The following ETV1 variants were observed in gnomAD, a reference collection of about 807,000 sequenced individuals.
ETV1 encodes the protein ETS translocation variant 1.
A neutral mutation model predicts 62.3 loss-of-function variants in ETV1; 27 were observed. The observed-to-expected ratio is 0.43, with a 90% CI of 0.32 to 0.60. The LOEUF (loss-of-function observed/expected upper bound fraction) is 0.60. Ranked by LOEUF, ETV1 falls within the 20% of genes least tolerant of loss-of-function variation. ETV1 has a pLI of 0.06. For synonymous variants in ETV1, 222 were observed against 199.6 expected (o/e 1.11, Z -0.94); for missense variants, 605 against 605.8 (o/e 1.00, Z 0.01).
At chr7:13,972,446 T>C (rs1372376431) in intron 6 of ETV1, among the ~76,000 whole-genome samples, 1 of 152,084 alleles carries the variant, frequency 6.6e-6, no homozygotes, top group Non-Finnish European at 1.5e-5. Context: ...TAAAATAAGA[T>C]TGAAAATATA....
chr7:13,902,283 T>A (rs1782519714), intron 12 of ETV1, among the ~76,000 whole-genome samples: 1 of 152,098 alleles, frequency 6.6e-6, no homozygotes, highest in Non-Finnish European at 1.5e-5. Context: ...TTTTTTTTCC[T>A]TTAGAAATAC....
chr7:13,906,684 G>A, intron 11 of ETV1, 85 bp from the exon 12 acceptor site: 30 of 1,012,458 alleles, frequency 3.0e-5, no homozygotes, highest in South Asian at 1.7e-4. Flanking sequence ...TCACTAATAT[G>A]GTTAAACCAC....
At chr7:13,972,554 T>C (rs1209237756) in intron 6 of ETV1, among the ~76,000 whole-genome samples, 1 of 152,222 alleles carries the variant, frequency 6.6e-6, no homozygotes. Flanking sequence ...TTCACCTCTG[T>C]TTGAAATACT....
chr7:13,923,109 A>G (rs1785039046), intron 9 of ETV1, among the ~76,000 whole-genome samples: 1 of 152,166 alleles, frequency 6.6e-6, no homozygotes, highest in African/African-American at 2.4e-5. Flanking sequence ...GTGCAAGTTT[A>G]GTCAGTTGAT....
chr7:13,912,649 A>C (rs1401602745), intron 9 of ETV1, among the ~76,000 whole-genome samples: 1 of 152,200 alleles, frequency 6.6e-6, no homozygotes, highest in Non-Finnish European at 1.5e-5. Context: ...AATTGCTGTT[A>C]CTATTTATAC....
intron 9 of ETV1, among the ~76,000 whole-genome samples, chr7:13,913,415 G>A (rs114490120): frequency 1.7e-3 from 260 of 152,222 alleles, no homozygotes; most frequent in African/African-American, 5.8e-3. Context: ...ATGACATTTT[G>A]TTGTTATTTA....
intron 6 of ETV1, among the ~76,000 whole-genome samples, chr7:13,948,689 A>T (rs1243459250): frequency 6.6e-6 from 1 of 152,178 alleles, no homozygotes; most frequent in Non-Finnish European, 1.5e-5. Flanking sequence ...TGGCCCACAA[A>T]GCGTGAAATA....
At chr7:13,913,337 T>C (rs1467397727) in intron 9 of ETV1, among the ~76,000 whole-genome samples, 1 of 152,222 alleles carries the variant, frequency 6.6e-6, no homozygotes, top group Non-Finnish European at 1.5e-5. Flanking sequence ...AGCACAATGG[T>C]TATAAACAGG....
At position 13,935,877 on chromosome 7, in the gene ETV1, G is replaced by C; in HGVS notation, c.385C>G (p.Gln129Glu). The C allele has an allele frequency of 3.7e-6, 6 of 1,613,652 alleles. No homozygotes were observed. Among genetic ancestry groups the C allele is most frequent in the South Asian group, 1.1e-5 (1 of 91,066 alleles). ...YNVSAYDQKP[Q>E]VGMRPSNPPT... ...GGGTTGGAGGGCCTCATTCCCACTTGTGGCTTCTGATCATAGGCACTACCC... is the reference window on the plus strand; with the variant it reads ...GGGTTGGAGGGCCTCATTCCCACTTCTGGCTTCTGATCATAGGCACTACCC... Residue 129 changes from glutamine to glutamate, a missense_variant, in exon 8 of 14, where the codon CAA becomes GAA. Around this residue, in one of 3 missense-constraint regions of ETV1, gnomAD observed 426 missense variants for 377.8 expected, o/e 1.13. Coordinates refer to ENST00000430479, the MANE Select transcript of ETV1 (RefSeq NM_004956.5).
intron 4 of ETV1, among the ~76,000 whole-genome samples, chr7:13,987,532 T>G (rs1782655586): frequency 6.6e-6 from 1 of 152,162 alleles, no homozygotes; most frequent in Non-Finnish European, 1.5e-5. Context: ...ATTATAATTA[T>G]TAAGGAGGCC....
At chr7:13,965,046 G>A (rs1055004222) in intron 6 of ETV1, among the ~76,000 whole-genome samples, 1 of 151,966 alleles carries the variant, frequency 6.6e-6, no homozygotes, top group Non-Finnish European at 1.5e-5. Flanking sequence ...TAATACCTCC[G>A]CCGCTGCTGC....
At chr7:13,902,383 G>A (rs906211433) in intron 12 of ETV1, among the ~76,000 whole-genome samples, 3 of 151,894 alleles carry the variant, frequency 2.0e-5, no homozygotes, top group Non-Finnish European at 2.9e-5. Context: ...TGTTTTTTAA[G>A]AGTAGAGAGA....
intron 9 of ETV1, among the ~76,000 whole-genome samples, chr7:13,919,471 T>C (rs1784570868): frequency 1.3e-5 from 2 of 149,556 alleles, no homozygotes; most frequent in South Asian, 4.2e-4. Flanking sequence ...TTGTTGTTCT[T>C]TTGGTTTTTT....
chr7:13,961,000 T>C (rs528142947), intron 6 of ETV1, among the ~76,000 whole-genome samples: 2 of 152,060 alleles, frequency 1.3e-5, no homozygotes, highest in South Asian at 2.1e-4. Flanking sequence ...AATTTAAAAA[T>C]AGCTGGGCAT....
chr7:13,922,636 G>T (rs922198299), intron 9 of ETV1, among the ~76,000 whole-genome samples: 1 of 152,128 alleles, frequency 6.6e-6, no homozygotes, highest in East Asian at 1.9e-4. Context: ...TGTTCAAGAG[G>T]GAGAAATTAT....
Position 13,977,476 on chromosome 7 carries a change from C to G in ETV1, c.186G>C (p.Gln62His). 6.5e-7 allele frequency: 1 copy of G among 1,540,492 alleles called. No individual in the cohort carries two copies. Among genetic ancestry groups the G allele is most frequent in the Non-Finnish European group, 8.8e-7 (1 of 1,141,390 alleles). The stretch of plus-strand genomic sequence containing the variant: ...CAAACTGCTCATCATTGTCAGGTAC[C>G]TGAGCTGAAGAAGAAAAAGAAAATT... ...QLQETWLAEA[Q>H]VPDNDEQFVP... is the part of the protein sequence containing the mutation. The change falls in exon 6 of 14, where the codon CAG becomes CAC. Residue 62 changes from glutamine to histidine, a missense_variant. Gln to His is a conservative substitution (Grantham distance 24, BLOSUM62 0). Transcript: ENST00000430479.
At chr7:13,975,238 G>A (rs546753587) in intron 6 of ETV1, among the ~76,000 whole-genome samples, 3 of 152,226 alleles carry the variant, frequency 2.0e-5, no homozygotes, top group African/African-American at 4.8e-5. Context: ...AAGTTCTATG[G>A]GACAGTGCTG....
chr7:13,940,874 C>T (rs1336883322), intron 6 of ETV1, among the ~76,000 whole-genome samples: 7 of 152,082 alleles, frequency 4.6e-5, no homozygotes, highest in African/African-American at 1.7e-4. Flanking sequence ...AAGTGTTCAA[C>T]AGCAATCAAG....
rs564683195 is a variant in ETV1, at chr7:13,894,864, C to T, written c.*1002G>A. On this transcript the variant is annotated 3_prime_UTR_variant, in exon 14 of 14. Coordinates refer to ENST00000430479, the MANE Select transcript of ETV1 (RefSeq NM_004956.5). ...ACCATGTCTAAAAATTACTATAGTA[C>T]CTATTTAGTGTATTGGATATTTTTC... The T allele has an allele frequency of 4.3e-6, 1 of 232,574 alleles. No homozygotes were observed. Among genetic ancestry groups the T allele is most frequent in the East Asian group, 6.1e-5 (1 of 16,324 alleles). The allele number at this position is 232,574 out of a possible 1,614,324, so 14.4% of individuals were successfully genotyped here. A position where few individuals can be genotyped will look rare whatever the true frequency, so the allele number is the denominator to read the frequency against.
Sources: gnomAD v4.1 joint callset for allele counts (sites outside exome capture counted in the v4.1 genomes callset) on GRCh38, gnomAD v4.1.1 for gene constraint, gnomAD v4.1.1 regional missense constraint, MANE v1.5 for transcripts, NCBI Gene and HGNC (gene_info 2026-07-23, HGNC 2026-07-21) for gene names.